The following ANKS1A variants were observed in gnomAD, a reference collection of about 807,000 sequenced individuals.
ANKS1A encodes ankyrin repeat and SAM domain-containing protein 1A.
In ANKS1A, 55 loss-of-function variants were observed where a neutral mutation model predicts 120.3. The ratio of observed to expected loss-of-function variants is 0.46; its 90% CI spans 0.37 to 0.57. ANKS1A has a LOEUF of 0.57. Ranked by LOEUF, ANKS1A falls within the 20% of genes least tolerant of loss-of-function variation. ANKS1A has a pLI of 0.00. For synonymous variants in ANKS1A, 590 were observed against 604.7 expected (o/e 0.98, Z 0.36); for missense variants, 1,123 against 1,480.3 (o/e 0.76, Z 3.96).
At chr6:34,962,069 C>G (rs186791467) in intron 1 of ANKS1A, among the ~76,000 whole-genome samples, 2 of 152,178 alleles carry the variant, frequency 1.3e-5, no homozygotes, top group Non-Finnish European at 2.9e-5. Flanking sequence ...GACAATGGTA[C>G]CTCACAGATT....
rs551136292 is a variant in ANKS1A at position 35,032,519 on chromosome 6, G to T, written c.2010+14460G>T. Among the ~76,000 whole-genome samples the T allele has an allele frequency of 5.3e-5, 8 of 152,242 alleles. No individual in the cohort carries two copies. The South Asian group carries it at 1.7e-3, about 32-fold the overall frequency. On this transcript the variant is annotated intron_variant, in intron 11 of 23. Transcript: ENST00000360359. Reference sequence around the variant, plus strand: ...TGCGGCTCCCCAGCCCCAAACGGGTGCATAGAAAAAATGCAAGTCCTTGAT... The same window carrying T: ...TGCGGCTCCCCAGCCCCAAACGGGTTCATAGAAAAAATGCAAGTCCTTGAT...
At chr6:34,896,233 C>T (rs973959012) in intron 1 of ANKS1A, among the ~76,000 whole-genome samples, 4 of 151,938 alleles carry the variant, frequency 2.6e-5, no homozygotes, top group South Asian at 4.2e-4. Context: ...CTGCACCTGG[C>T]GAATATTTGT....
chr6:35,090,526 A>G lies in ANKS1A; in HGVS notation c.*1917A>G. 1 of 1,046,010 alleles carries G rather than the reference A, an allele frequency of 9.6e-7. No individual in the cohort carries two copies. Among genetic ancestry groups the G allele is most frequent in the Non-Finnish European group, 1.2e-6 (1 of 866,248 alleles). 64.8% of individuals were successfully genotyped at this position (1,046,010 alleles called of 1,614,324 possible). ...GCTGCTATATCATCTTTATTTATTC[A>G]GGGTATTTTCATATTGGAAGCCTTG... On this transcript the variant is annotated 3_prime_UTR_variant, in exon 24 of 24. Coordinates refer to ENST00000360359, the MANE Select transcript of ANKS1A (RefSeq NM_015245.3).
Position 35,084,930 on chromosome 6 carries a change from C to T in ANKS1A, c.3132+672C>T, listed in dbSNP as rs1438241830. On this transcript the variant is annotated intron_variant, in intron 21 of 23. Transcript: ENST00000360359. The surrounding 1 kb of genome is among the most constrained non-coding windows in gnomAD (Gnocchi z 4.8). The stretch of plus-strand genomic sequence containing the variant: ...CCTGCAACAAAGCATGAGAGTGGCC[C>T]CAGGCTGCTTCCTCACCCCGGGAGG... Among the ~76,000 whole-genome samples, 1 of 152,146 alleles carries T rather than the reference C, an allele frequency of 6.6e-6. No homozygotes were observed. The highest frequency in any genetic ancestry group is 1.5e-5 in the Non-Finnish European group (1 of 68,030).
rs373426470 is a variant in ANKS1A at position 35,047,010 on chromosome 6, T to A, written c.2011-7089T>A. Among the ~76,000 whole-genome samples the A allele has an allele frequency of 9.2e-5, 14 of 152,312 alleles. No homozygotes were observed. In the East Asian group the frequency reaches 2.3e-3, roughly 25 times the overall value. On this transcript the variant is annotated intron_variant, in intron 11 of 23. Coordinates refer to ENST00000360359, the MANE Select transcript of ANKS1A (RefSeq NM_015245.3). ...AATGGAATCACTGCAGCATGTGCTCTTTTGTATGTCTTATCTGAAAGGTTT... is the reference window on the plus strand; with the variant it reads ...AATGGAATCACTGCAGCATGTGCTCATTTGTATGTCTTATCTGAAAGGTTT...
intron 1 of ANKS1A, among the ~76,000 whole-genome samples, chr6:34,919,272 G>T: frequency 6.6e-6 from 1 of 152,194 alleles, no homozygotes; most frequent in Non-Finnish European, 1.5e-5. Flanking sequence ...GGAGATTGTT[G>T]TTTCTAACAG....
chr6:35,019,879 A>G (rs1015884444), intron 11 of ANKS1A, among the ~76,000 whole-genome samples: 8 of 152,114 alleles, frequency 5.3e-5, no homozygotes, highest in African/African-American at 1.9e-4. Flanking sequence ...AGGAGGTGTG[A>G]GAGGGTGGGA....
chr6:34,889,543 C>T lies in ANKS1A; in HGVS notation c.141C>T (p.Ser47=), dbSNP rs762483856. The T allele has an allele frequency of 1.4e-5, 17 of 1,225,894 alleles. No individual in the cohort carries two copies. Among genetic ancestry groups the T allele is most frequent in the Middle Eastern group, 3.1e-4 (1 of 3,200 alleles). 75.9% of individuals were successfully genotyped at this position (1,225,894 alleles called of 1,614,324 possible). Residue 47 remains serine (S), a synonymous_variant, in exon 1 of 24, where the codon AGC becomes AGT. Coordinates refer to ENST00000360359, the MANE Select transcript of ANKS1A (RefSeq NM_015245.3). This position sits in a 1 kb window ranked among gnomAD's most constrained non-coding sequence, Gnocchi z 5.5. ...GGGSGGGGGG[S]GGGGGGLGSS... ...GCTCTGGGGGCGGCGGCGGCGGCAG[C>T]GGCGGCGGCGGCGGCGGCCTCGGCT...
At chr6:35,072,192 G>C (rs1283731940) in intron 13 of ANKS1A, among the ~76,000 whole-genome samples, 1 of 152,260 alleles carries the variant, frequency 6.6e-6, no homozygotes, top group Non-Finnish European at 1.5e-5. Flanking sequence ...AGAAAGCCAG[G>C]AAGAAAGCAG....
chr6:35,006,298 T>C lies in ANKS1A; in HGVS notation c.1424-11175T>C, dbSNP rs145338285. On this transcript the variant is annotated intron_variant, in intron 10 of 23. Transcript: ENST00000360359. ...CGCTTGAACCCAGGAGGCGCCTCTT[T>C]TTTGAGGCTCTGTCTCAAAAAAAAA... 8.3e-3 allele frequency among the ~76,000 whole-genome samples: 1,257 copies of C among 151,682 alleles called. 19 individuals carry two copies. Among genetic ancestry groups the C allele is most frequent in the African/African-American group, 0.028 (1,175 of 41,356 alleles).
chr6:34,916,378 ATACT>A (rs1246434743), intron 1 of ANKS1A, among the ~76,000 whole-genome samples: 1 of 151,246 alleles, frequency 6.6e-6, no homozygotes, highest in Non-Finnish European at 1.5e-5. Context: ...CAACCACAGT[ATACT>A]TTTCAACAAA....
chr6:35,086,183 G>C lies in ANKS1A; in HGVS notation c.3303+247G>C. 1 of 1,281,038 alleles carries C rather than the reference G, an allele frequency of 7.8e-7. No homozygotes were observed. Among genetic ancestry groups the C allele is most frequent in the East Asian group, 3.0e-5 (1 of 33,370 alleles). 79.4% of individuals were successfully genotyped at this position (1,281,038 alleles called of 1,614,324 possible). On this transcript the variant is annotated intron_variant, in intron 22 of 23. Transcript: ENST00000360359. The surrounding 1 kb of genome is among the most constrained non-coding windows in gnomAD (Gnocchi z 5.1). ...GCTGGGCTCCCCCAAGGGCAAGGCC[G>C]TCAAGGGGCTGCAGAGAGCGGCCTG... is the stretch of plus-strand genomic sequence containing the variant.
intron 10 of ANKS1A, among the ~76,000 whole-genome samples, chr6:35,006,586 C>G (rs1773470246): frequency 6.6e-6 from 1 of 151,816 alleles, no homozygotes; most frequent in Non-Finnish European, 1.5e-5. Flanking sequence ...AACCCTGTCT[C>G]TACTAAAAAT....
chr6:34,959,776 T>A (rs1017064891), intron 1 of ANKS1A, among the ~76,000 whole-genome samples: 6 of 152,224 alleles, frequency 3.9e-5, no homozygotes, highest in Non-Finnish European at 2.9e-5. Flanking sequence ...TTTTGCTAGG[T>A]CTGAAGAGTG....
intron 2 of ANKS1A, among the ~76,000 whole-genome samples, chr6:34,968,129 A>G (rs925216502): frequency 1.3e-5 from 2 of 152,076 alleles, no homozygotes; most frequent in Non-Finnish European, 2.9e-5. Context: ...TTTTAAGGGG[A>G]AAAAAATACA....
chr6:35,024,570 A>T (rs781063605), intron 11 of ANKS1A, among the ~76,000 whole-genome samples: 3 of 152,238 alleles, frequency 2.0e-5, no homozygotes, highest in African/African-American at 4.8e-5. Flanking sequence ...ATAAGATGAG[A>T]ATAATTTCTG....
intron 1 of ANKS1A, among the ~76,000 whole-genome samples, chr6:34,914,461 T>C (rs1449113813): frequency 2.0e-5 from 3 of 152,218 alleles, no homozygotes; most frequent in Non-Finnish European, 4.4e-5. Flanking sequence ...TAATTTGATT[T>C]AGTGTTTTCA....
rs1198464113 is a variant in ANKS1A at position 35,079,928 on chromosome 6, G to A, written c.2544G>A (p.Arg848=). Reference sequence around the variant, plus strand: ...AGCCCCCCAGATTCTCCCAGCTGAGGGTGAGTCGGGGAGGGACAGAAAGGA... The same window carrying A: ...AGCCCCCCAGATTCTCCCAGCTGAGAGTGAGTCGGGGAGGGACAGAAAGGA... The part of the protein sequence containing the change: ...PQKPPRFSQL[R]CQDLLSQTSS... Residue 848 remains arginine, a splice_region_variant and synonymous_variant, in exon 16 of 24, where the codon AGG becomes AGA. Transcript: ENST00000360359. The A allele has an allele frequency of 6.4e-7, 1 of 1,554,468 alleles. No individual in the cohort carries two copies. Among genetic ancestry groups the A allele is most frequent in the Non-Finnish European group, 8.7e-7 (1 of 1,148,662 alleles).
At chr6:35,078,819 C>G (rs1306447258) in intron 14 of ANKS1A, among the ~76,000 whole-genome samples, 163 bp downstream of exon 14, 1 of 152,226 alleles carries the variant, frequency 6.6e-6, no homozygotes, top group South Asian at 2.1e-4. Context: ...CGCACACAAC[C>G]CTGTTTGCTT....
Sources: allele counts gnomAD v4.1 joint callset (sites outside exome capture counted in the v4.1 genomes callset), GRCh38; gene constraint gnomAD v4.1.1; non-coding constraint Gnocchi (gnomAD v3.1); transcripts MANE v1.5; gene names NCBI Gene and HGNC (gene_info 2026-07-23, HGNC 2026-07-21).